IGF2BP3: variants seen among roughly 807,000 people sequenced by gnomAD.
IGF2BP3 encodes insulin like growth factor 2 mRNA binding protein 3, also known as insulin-like growth factor 2 mRNA-binding protein 3.
In IGF2BP3, 9 loss-of-function variants were observed where a neutral mutation model predicts 73.8. The ratio of observed to expected loss-of-function variants is 0.12; its 90% confidence interval spans 0.07 to 0.21. The LOEUF is 0.21. IGF2BP3 is among the 10% of genes least tolerant of loss of function. The pLI, the probability that IGF2BP3 is intolerant of heterozygous loss-of-function variation, is 1.00. For missense variants in IGF2BP3, 542 were observed against 714.0 expected (o/e 0.76, Z 2.75); for synonymous variants, 258 against 256.7 (o/e 1.01, Z -0.05).
chr7:23,412,421 T>C (rs959585727), intron 3 of IGF2BP3, among the ~76,000 whole-genome samples: 1 of 152,256 alleles, frequency 6.6e-6, no homozygotes, highest in African/African-American at 2.4e-5. Flanking sequence ...AGAAACGTTC[T>C]GAATTTTCTA....
intron 10 of IGF2BP3, among the ~76,000 whole-genome samples, chr7:23,326,309 T>C (rs1322998914): frequency 3.9e-5 from 6 of 152,000 alleles, no homozygotes; most frequent in Non-Finnish European, 7.4e-5. Context: ...AAAACACACA[T>C]GAAAAAATGC....
At chr7:23,445,596 G>A (rs1005783481) in intron 2 of IGF2BP3, among the ~76,000 whole-genome samples, 1 of 152,144 alleles carries the variant, frequency 6.6e-6, no homozygotes, top group Admixed American at 6.5e-5. Flanking sequence ...GTTTCGGTAT[G>A]TACATTATTC....
At chr7:23,356,643 T>C (rs1466709477) in intron 5 of IGF2BP3, among the ~76,000 whole-genome samples, 1 of 152,188 alleles carries the variant, frequency 6.6e-6, no homozygotes, top group Non-Finnish European at 1.5e-5. Flanking sequence ...CTGTATATAA[T>C]ACAGGGTCCT....
At chr7:23,373,303 C>T (rs1290360223) in intron 3 of IGF2BP3, among the ~76,000 whole-genome samples, 1 of 152,176 alleles carries the variant, frequency 6.6e-6, no homozygotes, top group Non-Finnish European at 1.5e-5. Flanking sequence ...TTTTGAACCA[C>T]CTGCTTTCAA....
At chr7:23,352,656 G>C (rs1247767008) in intron 5 of IGF2BP3, among the ~76,000 whole-genome samples, 1 of 152,050 alleles carries the variant, frequency 6.6e-6, no homozygotes, top group African/African-American at 2.4e-5. Context: ...ATAAATTTCA[G>C]TGAATTTTCA....
chr7:23,415,266 G>T, intron 3 of IGF2BP3: 1 of 240,432 alleles, frequency 4.2e-6, no homozygotes, highest in Non-Finnish European at 8.2e-6. Context: ...CGGCATCACC[G>T]CATCACCAAG....
intron 6 of IGF2BP3, among the ~76,000 whole-genome samples, chr7:23,349,318 T>C (rs1784904882): frequency 6.6e-6 from 1 of 152,192 alleles, no homozygotes; most frequent in Non-Finnish European, 1.5e-5. Context: ...AAATGTTTGG[T>C]TGAAATCTGA....
At chr7:23,431,313 G>A (rs144345253) in intron 2 of IGF2BP3, 158 of 152,232 alleles carry the variant, frequency 1.0e-3, no homozygotes, top group African/African-American at 3.6e-3. Flanking sequence ...TGAACCAAGA[G>A]GAAAACAATT....
intron 3 of IGF2BP3, among the ~76,000 whole-genome samples, chr7:23,387,540 A>AC (rs973391846): frequency 1.3e-5 from 1 of 79,196 alleles, no homozygotes; most frequent in South Asian, 4.2e-4. Flanking sequence ...CTCAAGTATT[A>AC]ATGTTAATAA....
At chr7:23,369,871 T>G (rs1785492556) in intron 3 of IGF2BP3, among the ~76,000 whole-genome samples, 2 of 152,174 alleles carry the variant, frequency 1.3e-5, no homozygotes, top group Non-Finnish European at 1.5e-5. Context: ...GTTCTGCAGA[T>G]AAGCCTTCTG....
chr7:23,388,718 T>G (rs1044500800), intron 3 of IGF2BP3, among the ~76,000 whole-genome samples: 4 of 151,956 alleles, frequency 2.6e-5, no homozygotes, highest in African/African-American at 9.7e-5. Flanking sequence ...GAATTTCTGA[T>G]TAGGCTTCTT....
chr7:23,383,023 C>T (rs908435517), intron 3 of IGF2BP3, among the ~76,000 whole-genome samples: 3 of 151,326 alleles, frequency 2.0e-5, no homozygotes, highest in South Asian at 2.1e-4. Flanking sequence ...GCTATGATGG[C>T]GCCATTGCAC....
chr7:23,411,024 T>C (rs1191978269), intron 3 of IGF2BP3, among the ~76,000 whole-genome samples: 1 of 151,954 alleles, frequency 6.6e-6, no homozygotes, highest in Non-Finnish European at 1.5e-5. Context: ...ATTGGCCGAG[T>C]GGCCTGCTCA....
chr7:23,451,939 T>TAAA (rs61131297), intron 2 of IGF2BP3, among the ~76,000 whole-genome samples: 3 of 131,798 alleles, frequency 2.3e-5, no homozygotes, highest in Non-Finnish European at 3.3e-5. Flanking sequence ...CAGAGCAAGA[T>TAAA]AAAAAAAAAA....
In IGF2BP3 at chr7:23,390,800, C is replaced by CTTT. The variant is rs1162886168; in HGVS notation, c.285+27973_285+27975dup. Reference sequence around the variant, plus strand: ...TTTGTCACCTTGGATTTATTGTTGCCTTTTTTTTTTTTTTTTGAGACAGAG... The same window carrying CTTT: ...TTTGTCACCTTGGATTTATTGTTGCCTTTTTTTTTTTTTTTTTTTGAGACAGAG... On this transcript the variant is annotated intron_variant, in intron 3 of 14. Transcript: ENST00000258729. 5.7e-3 allele frequency among the ~76,000 whole-genome samples: 774 copies of CTTT among 135,412 alleles called. 6 individuals are homozygous for CTTT. The highest frequency in any genetic ancestry group is 0.02 in the African/African-American group (744 of 37,020). The allele number at this position is 135,412 out of a possible 152,430, so 88.8% of individuals were successfully genotyped here.
intron 10 of IGF2BP3, among the ~76,000 whole-genome samples, chr7:23,322,332 T>A (rs998219592): frequency 2.0e-5 from 3 of 151,978 alleles, no homozygotes; most frequent in African/African-American, 7.3e-5. Context: ...CGATGGAAGA[T>A]GAAGTGAATG....
At chr7:23,417,447 A>G (rs1055450520) in intron 3 of IGF2BP3, among the ~76,000 whole-genome samples, 2 of 152,216 alleles carry the variant, frequency 1.3e-5, no homozygotes, top group African/African-American at 2.4e-5. Flanking sequence ...AAATACCCAG[A>G]ATAAGGGAAA....
intron 6 of IGF2BP3, chr7:23,347,936 C>T: frequency 1.8e-6 from 1 of 546,574 alleles, no homozygotes. Context: ...TCCCCTTTCT[C>T]TTTCCTCAAT....
chr7:23,368,335 G>GAAAA (rs1554321049), intron 3 of IGF2BP3, among the ~76,000 whole-genome samples: 363 of 113,310 alleles, frequency 3.2e-3, no homozygotes, highest in African/African-American at 0.012. Flanking sequence ...AGAAAAGAAA[G>GAAAA]AAAGAAAAAA....
Sources: gnomAD v4.1 joint callset for allele counts (sites outside exome capture counted in the v4.1 genomes callset) on GRCh38, gnomAD v4.1.1 for gene constraint, MANE v1.5 for transcripts, NCBI Gene and HGNC (gene_info 2026-07-23, HGNC 2026-07-21) for gene names.